CUEDC2: variants seen among roughly 807,000 people sequenced by gnomAD.
CUEDC2 encodes the protein CUE domain containing 2, also known as CUE domain-containing protein 2.
Under a neutral mutation model 36.0 loss-of-function variants are expected in CUEDC2, and 10 were observed. That is an observed-to-expected ratio of 0.28 (90% CI 0.17 to 0.47). The LOEUF (loss-of-function observed/expected upper bound fraction) is 0.47, where lower values mean the gene tolerates loss of function less well. CUEDC2 is among the 20% of genes least tolerant of loss of function. The probability of loss-of-function intolerance (pLI) is 0.99; values close to 1 mark genes in which losing one functional copy is unlikely to be tolerated. For missense variants in CUEDC2, 269 were observed against 368.1 expected (o/e 0.73, Z 2.20); for synonymous variants, 133 against 141.8 (o/e 0.94, Z 0.44).
At position 102,424,578 on chromosome 10, in the gene CUEDC2, G is replaced by A. The variant is rs1425004846; in HGVS notation, c.219-18C>T. The stretch of plus-strand genomic sequence containing the variant: ...TTGTGCCCCTGAAAAGATGAGGGCA[G>A]TGAGAGGATGACTCTGCCCACCCCA... On this transcript the variant is annotated intron_variant, in intron 3 of 8. Transcript: ENST00000369937. This position sits in a 1 kb window ranked among gnomAD's most constrained non-coding sequence, Gnocchi z 4.2. 2 of 1,614,172 alleles carry A rather than the reference G, an allele frequency of 1.2e-6. No individual in the cohort carries two copies. The highest frequency in any genetic ancestry group is 1.7e-6 in the Non-Finnish European group (2 of 1,180,002).
Position 102,423,391 on chromosome 10 carries a change from A to G in CUEDC2, c.*35T>C, listed in dbSNP as rs1437556684. 6 of 1,613,912 alleles carry G rather than the reference A, an allele frequency of 3.7e-6. No homozygotes were observed. The African/African-American group carries it at 8.0e-5, about 22-fold the overall frequency. On this transcript the variant is annotated 3_prime_UTR_variant, in exon 9 of 9. Transcript: ENST00000369937. This position sits in a 1 kb window ranked among gnomAD's most constrained non-coding sequence, Gnocchi z 5.6. The stretch of plus-strand genomic sequence containing the variant: ...GGCTCCTGCATCCCTCTGGGATCTG[A>G]GCCTAGAAGGCTCGGGCAGAGTCCG...
At position 102,424,991 on chromosome 10, in the gene CUEDC2, G is replaced by C; in HGVS notation, c.74+124C>G. ...AAAGGTGACAGGGACAGGATGAGAGGTAAGGCCTCTCAGCAAATCCTAGTC... is the reference window on the plus strand; with the variant it reads ...AAAGGTGACAGGGACAGGATGAGAGCTAAGGCCTCTCAGCAAATCCTAGTC... On this transcript the variant is annotated intron_variant, in intron 2 of 8. Coordinates refer to ENST00000369937, the MANE Select transcript of CUEDC2 (RefSeq NM_024040.3). The surrounding 1 kb of genome is among the most constrained non-coding windows in gnomAD (Gnocchi z 4.2). 6.1e-6 allele frequency: 6 copies of C among 976,396 alleles called. No homozygotes were observed. The highest frequency in any genetic ancestry group is 9.4e-6 in the Non-Finnish European group (6 of 641,142). The allele number at this position is 976,396 out of a possible 1,614,324, so 60.5% of individuals were successfully genotyped here. A position where few individuals can be genotyped will look rare whatever the true frequency, so the allele number is the denominator to read the frequency against.
At chr10:102,431,617 T>C (rs2061616918) in intron 1 of CUEDC2, among the ~76,000 whole-genome samples, 1 of 152,180 alleles carries the variant, frequency 6.6e-6, no homozygotes, top group Admixed American at 6.5e-5. Flanking sequence ...TGTGGCCCCA[T>C]CCTATATTCT....
At position 102,424,023 on chromosome 10, in the gene CUEDC2, C is replaced by T; in HGVS notation, c.567G>A (p.Gly189=). The T allele has an allele frequency of 6.2e-7, 1 of 1,614,032 alleles. No homozygotes were observed. Among genetic ancestry groups the T allele is most frequent in the Non-Finnish European group, 8.5e-7 (1 of 1,179,968 alleles). Residue 189 remains glycine (G), a synonymous_variant, in exon 6 of 9, where the codon GGG becomes GGA. Coordinates refer to ENST00000369937, the MANE Select transcript of CUEDC2 (RefSeq NM_024040.3). This position sits in a 1 kb window ranked among gnomAD's most constrained non-coding sequence, Gnocchi z 4.2. The stretch of plus-strand genomic sequence containing the variant: ...GGTTGGGGCCCTCCCAGGCTGCAGG[C>T]CCCTCTTCCTTTCCCTCTACCAGCA... The part of the protein sequence containing the change: ...VQMLVEGKEE[G]PAAWEGPNQD...
chr10:102,424,938 CAG>C lies in CUEDC2; in HGVS notation c.75-148_75-147del. ...GGCCAGAGAGTATAACCCCCTCCCTCAGAGCTATGGTTTCCCATCTGCCCAAC... is the reference window on the plus strand; with the variant it reads ...GGCCAGAGAGTATAACCCCCTCCCTCAGCTATGGTTTCCCATCTGCCCAAC... On this transcript the variant is annotated intron_variant, in intron 2 of 8. Coordinates refer to ENST00000369937, the MANE Select transcript of CUEDC2 (RefSeq NM_024040.3). This position sits in a 1 kb window ranked among gnomAD's most constrained non-coding sequence, Gnocchi z 4.2. 1 of 1,022,528 alleles carries C rather than the reference CAG, an allele frequency of 9.8e-7. No individual in the cohort carries two copies. Among genetic ancestry groups the C allele is most frequent in the Non-Finnish European group, 1.4e-6 (1 of 699,888 alleles). 63.3% of individuals were successfully genotyped at this position (1,022,528 alleles called of 1,614,324 possible).
At chr10:102,427,111 T>G (rs2061600018) in intron 1 of CUEDC2, among the ~76,000 whole-genome samples, 3 of 152,154 alleles carry the variant, frequency 2.0e-5, no homozygotes, top group Admixed American at 1.3e-4. Context: ...TATTTGCCCT[T>G]TCAGCAGCTC....
intron 1 of CUEDC2, among the ~76,000 whole-genome samples, chr10:102,426,259 C>T (rs1168157114): frequency 6.6e-6 from 1 of 152,150 alleles, no homozygotes; most frequent in Non-Finnish European, 1.5e-5. Flanking sequence ...GCTTTTGACT[C>T]CCAAAAGTCT....
chr10:102,427,927 GTT>G (rs960137771), intron 1 of CUEDC2, among the ~76,000 whole-genome samples: 26 of 150,016 alleles, frequency 1.7e-4, no homozygotes, highest in Non-Finnish European at 4.5e-5. Flanking sequence ...CCCTGGCTTT[GTT>G]TTTTGTTTGT....
At chr10:102,427,100 C>G (rs1840123465) in intron 1 of CUEDC2, among the ~76,000 whole-genome samples, 1 of 152,120 alleles carries the variant, frequency 6.6e-6, no homozygotes, top group Admixed American at 6.6e-5. Context: ...ATTTCACCTT[C>G]TATTTGCCCT....
intron 1 of CUEDC2, among the ~76,000 whole-genome samples, chr10:102,431,487 G>A (rs1396096346): frequency 1.3e-5 from 2 of 152,154 alleles, no homozygotes; most frequent in African/African-American, 2.4e-5. Flanking sequence ...GGCACTATGA[G>A]GTTAAGTAAC....
chr10:102,425,484 G>C (rs2061592991), intron 1 of CUEDC2, among the ~76,000 whole-genome samples: 1 of 112,148 alleles, frequency 8.9e-6, no homozygotes, highest in African/African-American at 3.6e-5. Flanking sequence ...CCCAGCAGCA[G>C]TCCCAGACCT....
rs1393330795 is a variant in CUEDC2, at chr10:102,423,886, GC to G, written c.595-28del. On this transcript the variant is annotated intron_variant, in intron 6 of 8. Coordinates refer to ENST00000369937, the MANE Select transcript of CUEDC2 (RefSeq NM_024040.3). The surrounding 1 kb of genome is among the most constrained non-coding windows in gnomAD (Gnocchi z 5.6). ...TGCAGAGAGGGGAGGCCTGGTCTAG[GC>G]CCAAGGGCACCAGCAGGGGAAACAG... The G allele has an allele frequency of 6.2e-7, 1 of 1,607,404 alleles. No homozygotes were observed. The highest frequency in any genetic ancestry group is 8.5e-7 in the Non-Finnish European group (1 of 1,176,866).
At position 102,424,198 on chromosome 10, in the gene CUEDC2, C is replaced by T; in HGVS notation, c.412-20G>A. 1 of 1,612,328 alleles carries T rather than the reference C, an allele frequency of 6.2e-7. No individual in the cohort carries two copies. The highest frequency in any genetic ancestry group is 8.5e-7 in the Non-Finnish European group (1 of 1,178,960). ...AGTTGCCTAAGGGTACAAACGTTAA[C>T]AAGAGGCAATACTCCCCCCTTTCCA... is the stretch of plus-strand genomic sequence containing the variant. On this transcript the variant is annotated intron_variant, in intron 5 of 8. Coordinates refer to ENST00000369937, the MANE Select transcript of CUEDC2 (RefSeq NM_024040.3). The surrounding 1 kb of genome is among the most constrained non-coding windows in gnomAD (Gnocchi z 4.2).
At chr10:102,430,517 C>T (rs975540205) in intron 1 of CUEDC2, among the ~76,000 whole-genome samples, 2 of 152,194 alleles carry the variant, frequency 1.3e-5, no homozygotes, top group Non-Finnish European at 2.9e-5. Context: ...GTGTCTCATG[C>T]TTCTGGGTTT....
intron 1 of CUEDC2, among the ~76,000 whole-genome samples, chr10:102,430,152 TTTA>T (rs1202154496): frequency 2.9e-5 from 4 of 140,316 alleles, no homozygotes; most frequent in Admixed American, 7.2e-5. Flanking sequence ...TTTAATTTTA[TTTA>T]TTTATTTATT....
chr10:102,428,803 C>G (rs2061606833), intron 1 of CUEDC2, among the ~76,000 whole-genome samples: 1 of 152,166 alleles, frequency 6.6e-6, no homozygotes, highest in Admixed American at 6.6e-5. Flanking sequence ...GGGGTTGGAT[C>G]ACGAGGTCAG....
At position 102,424,823 on chromosome 10, in the gene CUEDC2, T is replaced by G; in HGVS notation, c.75-31A>C. The G allele has an allele frequency of 6.2e-7, 1 of 1,606,876 alleles. No homozygotes were observed. On this transcript the variant is annotated intron_variant, in intron 2 of 8. Transcript: ENST00000369937. The surrounding 1 kb of genome is among the most constrained non-coding windows in gnomAD (Gnocchi z 4.2). ...GGAAGGGAACAGGACAAGCCCTGGGTAGGACACTGGATGCCTCCAGCACCC... is the reference window on the plus strand; with the variant it reads ...GGAAGGGAACAGGACAAGCCCTGGGGAGGACACTGGATGCCTCCAGCACCC...
intron 1 of CUEDC2, among the ~76,000 whole-genome samples, chr10:102,426,565 T>C (rs1429800980): frequency 6.6e-6 from 1 of 152,164 alleles, no homozygotes; most frequent in Non-Finnish European, 1.5e-5. Flanking sequence ...CTTTCCTTCT[T>C]ATCTGCATTG....
In CUEDC2 at chr10:102,424,773, AGAT is replaced by A. The variant is rs1470915464; in HGVS notation, c.91_93del (p.Ile31del). 6.2e-7 allele frequency: 1 copy of A among 1,613,678 alleles called. No individual in the cohort carries two copies. The highest frequency in any genetic ancestry group is 2.2e-5 in the East Asian group (1 of 44,884). ...TCCAGGACCCCAAGCACATAGGAGA[AGAT>A]GACCTCATCCAAGCCACTGCAGGAA... On this transcript the variant is annotated inframe_deletion, in exon 3 of 9. Coordinates refer to ENST00000369937, the MANE Select transcript of CUEDC2 (RefSeq NM_024040.3). The surrounding 1 kb of genome is among the most constrained non-coding windows in gnomAD (Gnocchi z 4.2).
Sources: gnomAD v4.1 joint callset for allele counts (sites outside exome capture counted in the v4.1 genomes callset) on GRCh38, gnomAD v4.1.1 for gene constraint, Gnocchi (gnomAD v3.1) non-coding constraint, MANE v1.5 for transcripts, NCBI Gene and HGNC (gene_info 2026-07-23, HGNC 2026-07-21) for gene names.